Variants in CYP26B1 observed in about 807,000 individuals in gnomAD.
CYP26B1 encodes cytochrome P450 26B1.
A neutral mutation model predicts 39.1 loss-of-function variants in CYP26B1; 8 were observed. The observed-to-expected ratio is 0.20, with a 90% CI of 0.12 to 0.37. The LOEUF (loss-of-function observed/expected upper bound fraction) is 0.37. Ranked by LOEUF, CYP26B1 falls within the 10% of genes least tolerant of loss-of-function variation. The probability of loss-of-function intolerance (pLI) is 1.00; values close to 1 mark genes in which losing one functional copy is unlikely to be tolerated. For missense variants in CYP26B1, 615 were observed against 707.0 expected (o/e 0.87, Z 1.48); for synonymous variants, 321 against 314.3 (o/e 1.02, Z -0.23).
chr2:72,146,561 C>A (rs1245556046), intron 1 of CYP26B1, among the ~76,000 whole-genome samples: 1 of 152,244 alleles, frequency 6.6e-6, no homozygotes, highest in Non-Finnish European at 1.5e-5. Flanking sequence ...GGATTGCACG[C>A]GTCTGTTAAT....
rs557595070 is a variant in CYP26B1, at chr2:72,131,865, G to A, written c.*362C>T. On this transcript the variant is annotated 3_prime_UTR_variant, in exon 6 of 6. Transcript: ENST00000001146. ...CGGCTCTTCCCGTCCCCCAACCCCA[G>A]CTAAAAGGGTCCGAAAGGAACGGAG... The A allele has an allele frequency of 6.6e-4, 163 of 248,114 alleles. 1 individual carries two copies. Among genetic ancestry groups the A allele is most frequent in the African/African-American group, 3.6e-3 (159 of 44,556 alleles). 15.4% of individuals were successfully genotyped at this position (248,114 alleles called of 1,614,324 possible).
chr2:72,131,235 A>AC lies in CYP26B1; in HGVS notation c.*991dup, dbSNP rs1329030257. ...TCTCCACCAGGGATAAGGCAGAGGCACCGGACTTCAGTCCAGGAGTGAGGC... is the reference window on the plus strand; with the variant it reads ...TCTCCACCAGGGATAAGGCAGAGGCACCCGGACTTCAGTCCAGGAGTGAGGC... On this transcript the variant is annotated 3_prime_UTR_variant, in exon 6 of 6. Transcript: ENST00000001146. 1 of 152,452 alleles carries AC rather than the reference A, an allele frequency of 6.6e-6. No individual in the cohort carries two copies. The highest frequency in any genetic ancestry group is 6.5e-5 in the Admixed American group (1 of 15,286). The allele number at this position is 152,452 out of a possible 1,614,324, so 9.4% of individuals were successfully genotyped here.
Position 72,147,602 on chromosome 2 carries a change from G to C in CYP26B1, c.204+29C>G, listed in dbSNP as rs946669548. 6 of 1,590,938 alleles carry C rather than the reference G, an allele frequency of 3.8e-6. No individual in the cohort carries two copies. The highest frequency in any genetic ancestry group is 5.1e-6 in the Non-Finnish European group (6 of 1,171,186). ...CCCGCGCTCGCAGCTAGCGGACCCC[G>C]GAGTGCAGCGGAGCGAGCGCGCCCT... On this transcript the variant is annotated intron_variant, in intron 1 of 5. Coordinates refer to ENST00000001146, the MANE Select transcript of CYP26B1 (RefSeq NM_019885.4). This position sits in a 1 kb window ranked among gnomAD's most constrained non-coding sequence, Gnocchi z 6.1.
rs768269439 is a variant in CYP26B1 at position 72,132,603 on chromosome 2, T to C, written c.1163A>G (p.Lys388Arg). The C allele has an allele frequency of 3.7e-6, 6 of 1,608,688 alleles. No individual in the cohort carries two copies. The highest frequency in any genetic ancestry group is 2.2e-5 in the South Asian group (2 of 90,116). The change falls in exon 6 of 6, where the codon AAA (lysine) becomes AGA (arginine). Residue 388 changes from lysine (K) to arginine (R), a missense_variant. Lys to Arg is a conservative substitution (Grantham distance 26). Coordinates refer to ENST00000001146, the MANE Select transcript of CYP26B1 (RefSeq NM_019885.4). ...TFELDGFQIP[K>R]GWSVMYSIRD... The stretch of plus-strand genomic sequence containing the variant: ...GATGCTATACATGACACTCCAGCCT[T>C]TGGGGATCTGGAAACCCTGGAGCAA...
chr2:72,140,377 C>G (rs1446040564), intron 2 of CYP26B1, among the ~76,000 whole-genome samples: 1 of 152,244 alleles, frequency 6.6e-6, no homozygotes, highest in Non-Finnish European at 1.5e-5. Context: ...CCTGTGCCCA[C>G]CCGCTGGTGC....
chr2:72,147,599 C>T lies in CYP26B1; in HGVS notation c.204+32G>A. 1 of 1,587,342 alleles carries T rather than the reference C, an allele frequency of 6.3e-7. No homozygotes were observed. The highest frequency in any genetic ancestry group is 8.5e-7 in the Non-Finnish European group (1 of 1,169,614). ...TGCCCCGCGCTCGCAGCTAGCGGAC[C>T]CCGGAGTGCAGCGGAGCGAGCGCGC... On this transcript the variant is annotated intron_variant, in intron 1 of 5. Transcript: ENST00000001146. The surrounding 1 kb of genome is among the most constrained non-coding windows in gnomAD (Gnocchi z 6.1).
At chr2:72,136,578 C>T (rs889154842) in intron 2 of CYP26B1, among the ~76,000 whole-genome samples, 4 of 152,172 alleles carry the variant, frequency 2.6e-5, no homozygotes, top group Non-Finnish European at 5.9e-5. Context: ...CGGCGAGGGG[C>T]AGAGAGGCCT....
In CYP26B1 at chr2:72,147,649, G is replaced by C. The variant is rs150322824; in HGVS notation, c.186C>G (p.Thr62=). The change falls in exon 1 of 6, where the codon ACC becomes ACG. Residue 62 remains threonine (T), a synonymous_variant. Coordinates refer to ENST00000001146, the MANE Select transcript of CYP26B1 (RefSeq NM_019885.4). This position sits in a 1 kb window ranked among gnomAD's most constrained non-coding sequence, Gnocchi z 6.1. The part of the protein sequence containing the change: ...GSMGFPLIGE[T]GHWLLQGSGF... ...CCCTTACCTGCAGCAGCCAGTGGCCGGTCTCTCCGATGAGCGGGAAGCCCA... is the reference window on the plus strand; with the variant it reads ...CCCTTACCTGCAGCAGCCAGTGGCCCGTCTCTCCGATGAGCGGGAAGCCCA... The C allele has an allele frequency of 3.7e-5, 60 of 1,609,308 alleles. No individual in the cohort carries two copies. The highest frequency in any genetic ancestry group is 6.7e-5 in the Admixed American group (4 of 59,782).
chr2:72,145,026 G>A (rs1181942580), intron 1 of CYP26B1, among the ~76,000 whole-genome samples: 1 of 152,140 alleles, frequency 6.6e-6, no homozygotes, highest in Non-Finnish European at 1.5e-5. Context: ...AGGGGCGGGG[G>A]CAAGGGCGTC....
rs1405243037 is a variant in CYP26B1, at chr2:72,130,294, C to T, written c.*1933G>A. On this transcript the variant is annotated 3_prime_UTR_variant, in exon 6 of 6. Coordinates refer to ENST00000001146, the MANE Select transcript of CYP26B1 (RefSeq NM_019885.4). ...TTGCAAGCTTTGACAAGTCTTTACCCATTCTGGCCTGTTTTTCAGGATTAG... is the reference window on the plus strand; with the variant it reads ...TTGCAAGCTTTGACAAGTCTTTACCTATTCTGGCCTGTTTTTCAGGATTAG... The T allele has an allele frequency of 3.9e-5, 6 of 152,236 alleles. No individual in the cohort carries two copies. The East Asian group carries it at 1.2e-3, about 29-fold the overall frequency. 9.4% of individuals were successfully genotyped at this position (152,236 alleles called of 1,614,324 possible). A position where few individuals can be genotyped will look rare whatever the true frequency, so the allele number is the denominator to read the frequency against.
chr2:72,134,724 G>A, intron 4 of CYP26B1, 37 bp downstream of exon 4: 1 of 1,594,094 alleles, frequency 6.3e-7, no homozygotes, highest in African/African-American at 1.3e-5. Context: ...GAGCCTGGGT[G>A]CTGGTGCTGC....
At chr2:72,141,186 C>T (rs1164320259) in intron 2 of CYP26B1, among the ~76,000 whole-genome samples, 1 of 152,156 alleles carries the variant, frequency 6.6e-6, no homozygotes, top group Non-Finnish European at 1.5e-5. Flanking sequence ...GGGGTCCCTC[C>T]CCCATCCATC....
chr2:72,139,045 C>A (rs1450169083), intron 2 of CYP26B1, among the ~76,000 whole-genome samples: 1 of 152,218 alleles, frequency 6.6e-6, no homozygotes, highest in African/African-American at 2.4e-5. Context: ...TGCGCTTGCT[C>A]AGCCAGATAG....
At position 72,144,197 on chromosome 2, in the gene CYP26B1, G is replaced by C. The variant is rs796787049; in HGVS notation, c.221C>G (p.Ser74Trp). ...GTTGCCATACTTCTCCCTCCGCGAC[G>C]ACTGGAAGCCAGAACCCTGCGGGAG... is the stretch of plus-strand genomic sequence containing the variant. Reference protein sequence around the residue: ...HWLLQGSGFQSSRREKYGNVF... With the variant: ...HWLLQGSGFQWSRREKYGNVF... The change falls in exon 2 of 6, where the codon TCG becomes TGG. Residue 74 changes from serine (S) to tryptophan (W), a missense_variant. Transcript: ENST00000001146. 3 of 1,595,030 alleles carry C rather than the reference G, an allele frequency of 1.9e-6. No individual in the cohort carries two copies. The highest frequency in any genetic ancestry group is 2.6e-6 in the Non-Finnish European group (3 of 1,166,064).
chr2:72,140,850 C>T (rs2104079752), intron 2 of CYP26B1, among the ~76,000 whole-genome samples: 1 of 152,322 alleles, frequency 6.6e-6, no homozygotes, highest in Non-Finnish European at 1.5e-5. Flanking sequence ...GTAGAAGGGG[C>T]AAGACTACCA....
intron 1 of CYP26B1, 87 bp from the exon 2 acceptor site, chr2:72,144,300 C>A: frequency 6.5e-7 from 1 of 1,534,072 alleles, no homozygotes. Context: ...ACCCGGGGTA[C>A]AGTCACCTGC....
chr2:72,146,689 A>AC (rs1182210685), intron 1 of CYP26B1, among the ~76,000 whole-genome samples: 2 of 152,032 alleles, frequency 1.3e-5, no homozygotes, highest in Non-Finnish European at 2.9e-5. Flanking sequence ...AACAGAACAA[A>AC]CGCGCGTACA....
At chr2:72,146,084 C>T (rs1677115565) in intron 1 of CYP26B1, among the ~76,000 whole-genome samples, 1 of 152,208 alleles carries the variant, frequency 6.6e-6, no homozygotes, top group Admixed American at 6.5e-5. Context: ...AGGTTTCCTC[C>T]TCCCTAACTT....
At position 72,134,771 on chromosome 2, in the gene CYP26B1, T is replaced by G. The variant is rs541667058; in HGVS notation, c.851A>C (p.Gln284Pro). 2.5e-6 allele frequency: 4 copies of G among 1,613,642 alleles called. No individual in the cohort carries two copies. In the African/African-American group the frequency reaches 4.0e-5, roughly 16 times the overall value. The change falls in exon 4 of 6, where the codon CAG becomes CCG. Residue 284 changes from glutamine (Q) to proline (P), a missense_variant. Gln to Pro is a moderately conservative substitution (Grantham distance 76, BLOSUM62 -1). Transcript: ENST00000001146. ...ACACGCCCACCCCACCTTCAGCTCC[T>G]GCATGGTCATCTCCTTCCCGTGCTC... ...SKEHGKEMTM[Q>P]ELKDGTLELI...
Sources: gnomAD v4.1 joint callset for allele counts (sites outside exome capture counted in the v4.1 genomes callset) on GRCh38, gnomAD v4.1.1 for gene constraint, Gnocchi (gnomAD v3.1) non-coding constraint, MANE v1.5 for transcripts, NCBI Gene and HGNC (gene_info 2026-07-23, HGNC 2026-07-21) for gene names.